GABRA3: variants seen among roughly 807,000 people sequenced by gnomAD.
GABRA3 encodes gamma-aminobutyric acid type A receptor subunit alpha3, also known as gamma-aminobutyric acid receptor subunit alpha-3.
A neutral mutation model predicts 30.1 loss-of-function variants in GABRA3; 10 were observed. The ratio of observed to expected loss-of-function variants is 0.33; its 90% CI spans 0.20 to 0.56. GABRA3 has a LOEUF of 0.56. Among genes scored for constraint, GABRA3 ranks in the 20% least tolerant of loss-of-function variants. The pLI is 0.89. For missense variants in GABRA3, 233 were observed against 392.0 expected, an observed-to-expected ratio of 0.59 and a Z score of 3.42; for synonymous variants, 151 against 146.8, an observed-to-expected ratio of 1.03 and a Z score of -0.21.
chrX:152,410,044 T>G (rs1177554716), intron 1 of GABRA3, among the ~76,000 whole-genome samples: 1 of 112,158 alleles, frequency 8.9e-6, no homozygotes, highest in Non-Finnish European at 1.9e-5. Flanking sequence ...AAGAATGAAA[T>G]CCTGCCATTT....
chrX:152,173,664 C>A (rs896611761), intron 9 of GABRA3, among the ~76,000 whole-genome samples: 2 of 110,492 alleles, frequency 1.8e-5, no homozygotes, highest in Non-Finnish European at 3.8e-5. Flanking sequence ...TCCATTTGGT[C>A]AGGCTGGTCT....
At chrX:152,436,694 G>A (rs7065528) in intron 1 of GABRA3, among the ~76,000 whole-genome samples, 28,259 of 110,232 alleles carry the variant, frequency 0.26, 3,129 homozygotes, top group East Asian at 0.44. Context: ...AAAATATATT[G>A]TATATGCCTG....
At position 152,284,431 on chromosome X, in the gene GABRA3, T is replaced by C. The variant is rs554743763; in HGVS notation, c.330+237A>G. On this transcript the variant is annotated intron_variant, in intron 4 of 9. Coordinates refer to ENST00000370314, the MANE Select transcript of GABRA3 (RefSeq NM_000808.4). ...GAACCAAACAAACTTTTGAAAGATG[T>C]GTCGTGGGAGAAAGATAAGGGCACT... is the stretch of plus-strand genomic sequence containing the variant. Among the ~76,000 whole-genome samples, 31 of 111,203 alleles carry C rather than the reference T, an allele frequency of 2.8e-4. No individual in the cohort carries two copies. In the South Asian group the frequency reaches 0.011, roughly 40 times the overall value.
At chrX:152,391,669 G>A (rs5970291) in intron 1 of GABRA3, among the ~76,000 whole-genome samples, 25,903 of 110,634 alleles carry the variant, frequency 0.23, 2,643 homozygotes, top group Admixed American at 0.37. Flanking sequence ...TTCTTTCTCA[G>A]AAAGACACGA....
chrX:152,231,419 G>A (rs968212753), intron 5 of GABRA3, among the ~76,000 whole-genome samples: 5 of 109,800 alleles, frequency 4.6e-5, no homozygotes, highest in Non-Finnish European at 7.6e-5. Flanking sequence ...AAAGATGTTC[G>A]ACATTAGTCA....
chrX:152,192,526 ATATTAT>A (rs1020573890), intron 8 of GABRA3, among the ~76,000 whole-genome samples: 2 of 110,815 alleles, frequency 1.8e-5, no homozygotes, highest in African/African-American at 6.5e-5. Flanking sequence ...ATTATTAAAT[ATATTAT>A]TATTATTATT....
intron 1 of GABRA3, among the ~76,000 whole-genome samples, chrX:152,367,960 C>T (rs1011528745): frequency 2.7e-5 from 3 of 112,000 alleles, no homozygotes; most frequent in Non-Finnish European, 3.8e-5. Context: ...TTGATCATTA[C>T]CTCTGTTGCT....
chrX:152,191,528 G>A (rs1202518347), intron 8 of GABRA3, among the ~76,000 whole-genome samples: 4 of 108,907 alleles, frequency 3.7e-5, no homozygotes, highest in Non-Finnish European at 7.6e-5. Context: ...TGCTGAAGAG[G>A]ATGGAGAAAG....
intron 3 of GABRA3, among the ~76,000 whole-genome samples, chrX:152,315,531 T>A (rs1248193456): frequency 9.0e-6 from 1 of 111,373 alleles, no homozygotes; most frequent in Non-Finnish European, 1.9e-5. Flanking sequence ...GAATCTGGTG[T>A]GCAGATTCGA....
intron 5 of GABRA3, among the ~76,000 whole-genome samples, chrX:152,235,499 C>T (rs1340284742): frequency 1.8e-5 from 2 of 111,183 alleles, no homozygotes; most frequent in Admixed American, 9.6e-5. Flanking sequence ...AAGACCCCAA[C>T]AAACAATTGT....
rs184713920 is a variant in GABRA3 at position 152,197,018 on chromosome X, C to T, written c.931+615G>A. Among the ~76,000 whole-genome samples, 389 of 112,051 alleles carry T rather than the reference C, an allele frequency of 3.5e-3. 2 individuals are homozygous for T. The highest frequency in any genetic ancestry group is 0.012 in the African/African-American group (359 of 30,875). On this transcript the variant is annotated intron_variant, in intron 8 of 9. Coordinates refer to ENST00000370314, the MANE Select transcript of GABRA3 (RefSeq NM_000808.4). ...AGTAGCTGAAAAAATTAATATTTATCTCCGACAGTGGGAAAAATAGGCAGG... is the reference window on the plus strand; with the variant it reads ...AGTAGCTGAAAAAATTAATATTTATTTCCGACAGTGGGAAAAATAGGCAGG...
chrX:152,437,656 T>C (rs896113885), intron 1 of GABRA3, among the ~76,000 whole-genome samples: 3 of 111,879 alleles, frequency 2.7e-5, no homozygotes, highest in African/African-American at 6.5e-5. Flanking sequence ...GGTAAAAGAA[T>C]AGATGAATAC....
chrX:152,329,865 C>G (rs773849537), intron 3 of GABRA3, among the ~76,000 whole-genome samples: 2 of 111,459 alleles, frequency 1.8e-5, no homozygotes, highest in Admixed American at 9.6e-5. Context: ...ATTAAACTAA[C>G]GAGCTTCTGC....
intron 6 of GABRA3, among the ~76,000 whole-genome samples, chrX:152,218,410 C>T (rs935655561): frequency 2.5e-4 from 28 of 110,650 alleles, no homozygotes; most frequent in African/African-American, 8.5e-4. Flanking sequence ...GTTCCATGTG[C>T]ACTTGAGAAT....
chrX:152,252,349 T>A (rs926971751), intron 5 of GABRA3, among the ~76,000 whole-genome samples: 10 of 111,494 alleles, frequency 9.0e-5, no homozygotes, highest in African/African-American at 3.3e-4. Flanking sequence ...TTGTAAAAAA[T>A]GTGTAAACAG....
intron 4 of GABRA3, among the ~76,000 whole-genome samples, chrX:152,282,125 T>C (rs1378806444): frequency 8.9e-6 from 1 of 112,039 alleles, no homozygotes; most frequent in Non-Finnish European, 1.9e-5. Flanking sequence ...TAAAATATTA[T>C]GGGTGGTGGT....
At chrX:152,309,124 G>T (rs1176053893) in intron 3 of GABRA3, among the ~76,000 whole-genome samples, 1 of 111,826 alleles carries the variant, frequency 8.9e-6, no homozygotes, top group African/African-American at 3.2e-5. Flanking sequence ...AAACCCCCAA[G>T]AAATATAGGA....
chrX:152,444,875 A>C (rs1364491128), intron 1 of GABRA3, among the ~76,000 whole-genome samples: 1 of 92,589 alleles, frequency 1.1e-5, no homozygotes, highest in African/African-American at 3.9e-5. Context: ...TCCCGGCTAA[A>C]ACGGTGAAAC....
intron 3 of GABRA3, among the ~76,000 whole-genome samples, chrX:152,324,331 A>T (rs1940017770): frequency 1.8e-5 from 2 of 112,338 alleles, no homozygotes; most frequent in African/African-American, 3.2e-5. Context: ...AAGCTTTGGA[A>T]AAACAGATAA....
Sources: allele counts gnomAD v4.1 joint callset (sites outside exome capture counted in the v4.1 genomes callset), GRCh38; gene constraint gnomAD v4.1.1; transcripts MANE v1.5; gene names NCBI Gene and HGNC (gene_info 2026-07-23, HGNC 2026-07-21).